Variants in CLCA2 observed in about 807,000 individuals in gnomAD.
The protein encoded by CLCA2 is calcium-activated chloride channel regulator 2.
A neutral mutation model predicts 82.9 loss-of-function variants in CLCA2; 85 were observed. The ratio of observed to expected loss-of-function variants is 1.03; its 90% CI spans 0.86 to 1.23. The LOEUF is 1.23. Ranked by LOEUF, CLCA2 falls within the 50% of genes most tolerant of loss-of-function variation. The pLI is 0.00. For synonymous variants in CLCA2, 421 were observed against 391.7 expected (o/e 1.07, Z -0.88); for missense variants, 1,089 against 1,124.8 (o/e 0.97, Z 0.45).
At position 86,455,874 on chromosome 1, in the gene CLCA2, G is replaced by A. The variant is rs1458842257; in HGVS notation, c.*347G>A. 6.3e-6 allele frequency: 1 copy of A among 157,882 alleles called. No homozygotes were observed. Among genetic ancestry groups the A allele is most frequent in the African/African-American group, 2.4e-5 (1 of 41,668 alleles). 9.8% of individuals were successfully genotyped at this position (157,882 alleles called of 1,614,324 possible). Reference sequence around the variant, plus strand: ...AGGAGGGTAGGTCTGCATTATAACTGTCTGTGTGAAGCAATCATTTAGTTA... The same window carrying A: ...AGGAGGGTAGGTCTGCATTATAACTATCTGTGTGAAGCAATCATTTAGTTA... On this transcript the variant is annotated 3_prime_UTR_variant, in exon 14 of 14. Coordinates refer to ENST00000370565, the MANE Select transcript of CLCA2 (RefSeq NM_006536.7).
chr1:86,430,723 G>A (rs1451859782), intron 3 of CLCA2, 139 bp from the exon 4 acceptor site: 1 of 684,254 alleles, frequency 1.5e-6, no homozygotes, highest in African/African-American at 1.8e-5. Context: ...GAGAGGAAAA[G>A]GGGAGAGAGG....
chr1:86,448,975 A>G (rs1662911138), intron 11 of CLCA2, among the ~76,000 whole-genome samples: 1 of 152,242 alleles, frequency 6.6e-6, no homozygotes, highest in African/African-American at 2.4e-5. Flanking sequence ...ATTCAGCTCA[A>G]TTGGCTTTTA....
intron 12 of CLCA2, among the ~76,000 whole-genome samples, chr1:86,452,561 G>A (rs1662994415): frequency 6.6e-6 from 1 of 152,050 alleles, no homozygotes; most frequent in Admixed American, 6.6e-5. Context: ...GACTCTCCTT[G>A]CTTTTAATTT....
chr1:86,427,205 A>T (rs989362794), intron 2 of CLCA2, among the ~76,000 whole-genome samples: 6 of 152,102 alleles, frequency 3.9e-5, no homozygotes, highest in Admixed American at 1.3e-4. Flanking sequence ...TGTGGTCTAT[A>T]AGGTATAAAG....
Position 86,441,477 on chromosome 1 carries a change from TAGCATGA to T in CLCA2, c.1423_1429del (p.Ser475LeufsTer34). On this transcript the variant is annotated frameshift_variant, in exon 9 of 14. Transcript: ENST00000370565. LOFTEE classifies it high-confidence loss of function. Reference sequence around the variant, plus strand: ...TTGTTCCAGATATATCAAACTCCAATAGCATGATTGATGCTTTCAGTAGAATTTCCTC... The same window carrying T: ...TTGTTCCAGATATATCAAACTCCAATTTGATGCTTTCAGTAGAATTTCCTC... 1 of 1,611,858 alleles carries T rather than the reference TAGCATGA, an allele frequency of 6.2e-7. No homozygotes were observed. The highest frequency in any genetic ancestry group is 8.5e-7 in the Non-Finnish European group (1 of 1,178,296).
intron 8 of CLCA2, 46 bp downstream of exon 8, chr1:86,440,371 C>G: frequency 6.5e-7 from 1 of 1,535,602 alleles, no homozygotes; most frequent in Non-Finnish European, 8.9e-7. Flanking sequence ...GTCCCTTTAA[C>G]TTGACTATCC....
chr1:86,434,133 C>A (rs557958796), intron 5 of CLCA2, among the ~76,000 whole-genome samples: 1 of 152,152 alleles, frequency 6.6e-6, no homozygotes, highest in East Asian at 1.9e-4. Context: ...AAATATTATT[C>A]CAAGGAGTAG....
intron 11 of CLCA2, 97 bp downstream of exon 11, chr1:86,447,875 A>G: frequency 7.7e-7 from 1 of 1,297,590 alleles, no homozygotes; most frequent in Non-Finnish European, 1.0e-6. Context: ...AGATTCCTTG[A>G]GTTCAATTTT....
chr1:86,431,780 T>C (rs1662502900), intron 4 of CLCA2, among the ~76,000 whole-genome samples: 1 of 152,244 alleles, frequency 6.6e-6, no homozygotes, highest in Non-Finnish European at 1.5e-5. Flanking sequence ...GATTTCCTAG[T>C]ATCTTTTGCT....
Position 86,440,631 on chromosome 1 carries a change from T to C in CLCA2, c.1381+306T>C, listed in dbSNP as rs567224627. Reference sequence around the variant, plus strand: ...TTAAATGCTTTGTGGGCGGGCGCGGTGGCTCACACCTGTAATCCCAGCACA... The same window carrying C: ...TTAAATGCTTTGTGGGCGGGCGCGGCGGCTCACACCTGTAATCCCAGCACA... On this transcript the variant is annotated intron_variant, in intron 8 of 13. Transcript: ENST00000370565. Among the ~76,000 whole-genome samples, 4 of 152,296 alleles carry C rather than the reference T, an allele frequency of 2.6e-5. No homozygotes were observed. In the South Asian group the frequency reaches 6.2e-4, roughly 24 times the overall value.
rs748547263 is a variant in CLCA2, at chr1:86,440,188, T to C, written c.1244T>C (p.Met415Thr). The change falls in exon 8 of 14, where the codon ATG becomes ACG. Residue 415 changes from methionine (M) to threonine (T), a missense_variant. By Grantham distance (81) the Met-to-Thr change is moderately conservative (BLOSUM62 -1). Transcript: ENST00000370565. ...KLNGKAYGSV[M>T]ILVTSGDDKL... ...AATGGAAAAGCTTATGGCTCTGTGA[T>C]GATATTAGTGACCAGCGGAGATGAT... The C allele has an allele frequency of 8.1e-6, 13 of 1,614,004 alleles. No individual in the cohort carries two copies.
intron 6 of CLCA2, among the ~76,000 whole-genome samples, chr1:86,437,534 G>A (rs1570258399): frequency 1.3e-5 from 2 of 152,272 alleles, no homozygotes; most frequent in East Asian, 3.9e-4. Context: ...AAGAAAGGAG[G>A]ACATTTGTGG....
Position 86,427,060 on chromosome 1 carries a change from C to T in CLCA2, c.325-1358C>T, listed in dbSNP as rs146500493. Among the ~76,000 whole-genome samples, 84 of 152,196 alleles carry T rather than the reference C, an allele frequency of 5.5e-4. No individual in the cohort carries two copies. The East Asian group carries it at 6.9e-3, about 13-fold the overall frequency. On this transcript the variant is annotated intron_variant, in intron 2 of 13. Transcript: ENST00000370565. ...GCAAACAGTGAATGATCATTATGTA[C>T]GGGACCACGCTAGGCACTTCAGAGA...
intron 12 of CLCA2, among the ~76,000 whole-genome samples, chr1:86,452,214 G>C (rs1162290282): frequency 1.7e-4 from 3 of 18,008 alleles, no homozygotes; most frequent in South Asian, 3.3e-3. Context: ...TTTAAACCAT[G>C]TTTCTTTTCT....
In CLCA2 at chr1:86,447,749, TTA is replaced by T; in HGVS notation, c.1956_1957del (p.Thr653AlafsTer5). ...GTTGAGCCAGAGACTGGAGATCCTG[TTA>T]CGCTGAGACTCCTTGATGATGGAGC... On this transcript the variant is annotated frameshift_variant, in exon 11 of 14. Coordinates refer to ENST00000370565, the MANE Select transcript of CLCA2 (RefSeq NM_006536.7). LOFTEE classifies it high-confidence loss of function. The T allele has an allele frequency of 6.2e-7, 1 of 1,613,566 alleles. No homozygotes were observed. Among genetic ancestry groups the T allele is most frequent in the Non-Finnish European group, 8.5e-7 (1 of 1,179,968 alleles).
chr1:86,454,700 G>C (rs1663036733), intron 13 of CLCA2, among the ~76,000 whole-genome samples: 1 of 152,170 alleles, frequency 6.6e-6, no homozygotes, highest in South Asian at 2.1e-4. Flanking sequence ...GCTGAGGTAG[G>C]AGAAGCGCTT....
intron 10 of CLCA2, chr1:86,445,262 T>C (rs1662825448): frequency 6.6e-6 from 1 of 152,030 alleles, no homozygotes; most frequent in Admixed American, 6.6e-5. Flanking sequence ...GTCCATTCTT[T>C]ACCTCTATAA....
chr1:86,448,110 G>C, intron 11 of CLCA2: 1 of 240,118 alleles, frequency 4.2e-6, no homozygotes, highest in Non-Finnish European at 8.0e-6. Context: ...TCCTCTAAGA[G>C]TCACTAGCTT....
intron 10 of CLCA2, among the ~76,000 whole-genome samples, chr1:86,447,100 T>C (rs1370207995): frequency 6.6e-6 from 1 of 152,196 alleles, no homozygotes; most frequent in African/African-American, 2.4e-5. Flanking sequence ...TCCAATTAAT[T>C]TGATGTAATT....
Sources: allele counts gnomAD v4.1 joint callset (sites outside exome capture counted in the v4.1 genomes callset), GRCh38; gene constraint gnomAD v4.1.1; transcripts MANE v1.5; gene names NCBI Gene and HGNC (gene_info 2026-07-23, HGNC 2026-07-21).